ERICH2: variants seen among roughly 807,000 people sequenced by gnomAD.
ERICH2 encodes glutamate rich 2, also known as glutamate-rich protein 2.
Under a neutral mutation model 17.4 loss-of-function variants are expected in ERICH2, and 17 were observed. The observed-to-expected ratio is 0.98, with a 90% CI of 0.67 to 1.47. The LOEUF is 1.47. ERICH2 is among the 40% of genes most tolerant of loss of function. The probability of loss-of-function intolerance (pLI) is 0.00; values close to 1 mark genes in which losing one functional copy is unlikely to be tolerated. For missense variants in ERICH2, 186 were observed against 183.2 expected (o/e 1.01, Z -0.09); for synonymous variants, 51 against 61.1 (o/e 0.83, Z 0.77).
intron 3 of ERICH2, among the ~76,000 whole-genome samples, chr2:170,796,432 TTTTTTTTG>T (rs1290109423): frequency 0.08 from 2,275 of 28,594 alleles, 50 homozygotes; most frequent in East Asian, 0.24. Flanking sequence ...CTCTTTGTTT[TTTTTTTTG>T]TTTTTTTTTT....
chr2:170,797,300 T>A (rs2883886), intron 3 of ERICH2, among the ~76,000 whole-genome samples: 138,137 of 152,188 alleles, frequency 0.91, 63,537 homozygotes, highest in East Asian at 1. Flanking sequence ...TAGTAAAGGA[T>A]GTCATGTAGA....
At chr2:170,788,769 A>G (rs1055274668) in intron 2 of ERICH2, among the ~76,000 whole-genome samples, 4 of 151,762 alleles carry the variant, frequency 2.6e-5, no homozygotes, top group Admixed American at 2.0e-4. Context: ...GAGCAACCAC[A>G]CCTGGCCAAT....
At chr2:170,770,625 A>C in the ERICH2 span, 1 of 155,312 alleles carries the variant, frequency 6.4e-6, no homozygotes, top group Non-Finnish European at 1.5e-5. Context: ...TTACTCCCCA[A>C]GTTTAAAACT....
At chr2:170,783,749 T>G, upstream of ERICH2, 1 of 1,531,146 alleles carries the variant, frequency 6.5e-7, no homozygotes, top group Non-Finnish European at 8.8e-7. Flanking sequence ...TGTCCCTAAT[T>G]CCTCATTATG....
At chr2:170,783,194 T>C (rs1559251700), upstream of ERICH2, 1 of 151,938 alleles carries the variant, frequency 6.6e-6, no homozygotes. Flanking sequence ...TTATCCAAGT[T>C]GATTGTTCAT....
At chr2:170,776,971 A>G in the ERICH2 span, among the ~76,000 whole-genome samples, 1 of 152,060 alleles carries the variant, frequency 6.6e-6, no homozygotes, top group Non-Finnish European at 1.5e-5. Context: ...TTAAAACTAA[A>G]TTTCATAATC....
upstream of ERICH2, chr2:170,779,679 C>A: frequency 4.5e-6 from 1 of 219,812 alleles, no homozygotes; most frequent in African/African-American, 2.4e-5. Flanking sequence ...TCAGCGCTGA[C>A]TGAGCTTGAA....
At chr2:170,792,992 A>T in intron 3 of ERICH2, 72 bp downstream of exon 8, 10 of 908,292 alleles carry the variant, frequency 1.1e-5, no homozygotes, top group Non-Finnish European at 1.7e-5. Context: ...AATATATAAA[A>T]TGGCTTGATT....
At chr2:170,796,540 ATCC>A (rs200844746) in intron 3 of ERICH2, among the ~76,000 whole-genome samples, 1,587 of 148,570 alleles carry the variant, frequency 0.011, 30 homozygotes, top group African/African-American at 0.035. Flanking sequence ...GGTTCATGTC[ATCC>A]TCCTGCCTCG....
chr2:170,772,655 C>T, the ERICH2 span, among the ~76,000 whole-genome samples: 1 of 152,192 alleles, frequency 6.6e-6, no homozygotes, highest in Non-Finnish European at 1.5e-5. Context: ...TGATCCTTGA[C>T]ACCATTTGTA....
intron 2 of ERICH2, 37 bp from the exon 8 acceptor site, chr2:170,792,826 T>C: frequency 7.3e-7 from 1 of 1,373,268 alleles, no homozygotes; most frequent in Non-Finnish European, 9.8e-7. Context: ...TTGACAACAT[T>C]TAAATTCACT....
chr2:170,795,515 T>C (rs529718648), intron 3 of ERICH2, among the ~76,000 whole-genome samples: 1 of 152,012 alleles, frequency 6.6e-6, no homozygotes, highest in Non-Finnish European at 1.5e-5. Flanking sequence ...GCCCAGGTAA[T>C]TTTTGTATTT....
At chr2:170,789,930 A>G (rs1472923955) in intron 2 of ERICH2, among the ~76,000 whole-genome samples, 1 of 152,194 alleles carries the variant, frequency 6.6e-6, no homozygotes, top group East Asian at 1.9e-4. Context: ...AGAGGTGGGG[A>G]AAGAGTGTGT....
the ERICH2 span, chr2:170,775,699 T>C: frequency 6.5e-6 from 1 of 152,824 alleles, no homozygotes. Flanking sequence ...GCCGTGCTGT[T>C]CTGATAGACT....
chr2:170,774,826 C>T, the ERICH2 span, among the ~76,000 whole-genome samples: 37 of 151,794 alleles, frequency 2.4e-4, no homozygotes, highest in African/African-American at 7.7e-4. Context: ...CCACCTGCCT[C>T]AGCCTCCCAA....
Position 170,798,174 on chromosome 2 carries a change from C to G in ERICH2, c.346+62C>G, listed in dbSNP as rs920440422. The G allele has an allele frequency of 4.5e-6, 5 of 1,105,836 alleles. No individual in the cohort carries two copies. In the African/African-American group the frequency reaches 7.8e-5, roughly 17 times the overall value. 68.5% of individuals were successfully genotyped at this position (1,105,836 alleles called of 1,614,324 possible). A position where few individuals can be genotyped will look rare whatever the true frequency, so the allele number is the denominator to read the frequency against. ...AACTATAAGCAGTCACTTTAAAAAC[C>G]CATTATCCCGGGAGATTGTCGATAC... is the stretch of plus-strand genomic sequence containing the variant. On this transcript the variant is annotated intron_variant, in intron 4 of 4. Coordinates refer to ENST00000409885, the Ensembl canonical transcript of ERICH2.
At chr2:170,787,479 G>A (rs1701184305) in intron 2 of ERICH2, among the ~76,000 whole-genome samples, 1 of 152,224 alleles carries the variant, frequency 6.6e-6, no homozygotes, top group Non-Finnish European at 1.5e-5. Flanking sequence ...CATGTTAGGA[G>A]GACCTTCCAC....
intron 3 of ERICH2, among the ~76,000 whole-genome samples, chr2:170,796,601 A>C (rs1472084814): frequency 6.6e-6 from 1 of 151,850 alleles, no homozygotes; most frequent in Non-Finnish European, 1.5e-5. Context: ...ACGCCCAGCT[A>C]ATTTTTGTAT....
chr2:170,796,440 G>GTTTT (rs370083171), intron 3 of ERICH2, among the ~76,000 whole-genome samples: 2,709 of 83,332 alleles, frequency 0.033, 74 homozygotes, highest in South Asian at 0.057. Flanking sequence ...TTTTTTTTTT[G>GTTTT]TTTTTTTTTT....
Sources: gnomAD v4.1 joint callset for allele counts (sites outside exome capture counted in the v4.1 genomes callset) on GRCh38, gnomAD v4.1.1 for gene constraint, MANE v1.5 for transcripts, NCBI Gene and HGNC (gene_info 2026-07-23, HGNC 2026-07-21) for gene names.